The following PROS1 variants were observed in gnomAD, a reference collection of about 807,000 sequenced individuals.
PROS1 encodes protein S, also known as vitamin K-dependent protein S.
Under a neutral mutation model 75.9 loss-of-function variants are expected in PROS1, and 29 were observed. That is an observed-to-expected ratio of 0.38 (90% CI 0.28 to 0.52). The LOEUF (loss-of-function observed/expected upper bound fraction) is 0.52, where lower values mean the gene tolerates loss of function less well. Ranked by LOEUF, PROS1 falls within the 20% of genes least tolerant of loss-of-function variation. PROS1 has a pLI of 0.83. For synonymous variants in PROS1, 245 were observed against 280.6 expected (o/e 0.87, Z 1.27); for missense variants, 680 against 810.3 (o/e 0.84, Z 1.95).
intron 3 of PROS1, among the ~76,000 whole-genome samples, chr3:93,912,007 G>A (rs1199731289): frequency 4.6e-5 from 7 of 152,214 alleles, no homozygotes; most frequent in Admixed American, 1.3e-4. Flanking sequence ...TTTGAAGTCA[G>A]TATGTGTTTA....
At chr3:93,878,060 T>C (rs746713609) in intron 13 of PROS1, among the ~76,000 whole-genome samples, 3 of 152,182 alleles carry the variant, frequency 2.0e-5, no homozygotes, top group Non-Finnish European at 4.4e-5. Flanking sequence ...AAATATTGCA[T>C]AGACCTTGAG....
intron 4 of PROS1, 22 bp downstream of exon 4, chr3:93,910,597 A>C (rs758608669): frequency 6.3e-7 from 1 of 1,588,952 alleles, no homozygotes; most frequent in East Asian, 2.2e-5. Context: ...TTGTTTTTTC[A>C]ATTGATGGTA....
intron 1 of PROS1, among the ~76,000 whole-genome samples, chr3:93,935,455 A>G (rs1709168378): frequency 6.6e-6 from 1 of 152,198 alleles, no homozygotes; most frequent in Admixed American, 6.5e-5. Context: ...TTACATCAAT[A>G]TATTAGTTCT....
intron 1 of PROS1, among the ~76,000 whole-genome samples, chr3:93,956,529 T>TA (rs1429914308): frequency 3.1e-5 from 4 of 129,586 alleles, no homozygotes; most frequent in African/African-American, 1.2e-4. Context: ...TCTCTCTCTC[T>TA]CTCTACACAC....
intron 1 of PROS1, among the ~76,000 whole-genome samples, chr3:93,938,266 C>A (rs1353963675): frequency 2.0e-5 from 3 of 152,158 alleles, no homozygotes; most frequent in Non-Finnish European, 4.4e-5. Flanking sequence ...CACCAGAGAA[C>A]AACCCCTTTG....
chr3:93,962,239 C>G (rs1460897594), intron 1 of PROS1, among the ~76,000 whole-genome samples: 1 of 151,966 alleles, frequency 6.6e-6, no homozygotes, highest in Non-Finnish European at 1.5e-5. Context: ...AAAGGATTAA[C>G]AAGCAGAGAT....
chr3:93,952,086 T>C (rs1709508360), intron 1 of PROS1, among the ~76,000 whole-genome samples: 3 of 152,094 alleles, frequency 2.0e-5, no homozygotes, highest in Admixed American at 6.6e-5. Context: ...ACAAAGCAAG[T>C]CCTTAGAGAC....
chr3:93,910,190 G>A (rs1311988403), intron 4 of PROS1, among the ~76,000 whole-genome samples: 1 of 152,162 alleles, frequency 6.6e-6, no homozygotes, highest in African/African-American at 2.4e-5. Flanking sequence ...GAACTTCAGA[G>A]CAAGAAAGCT....
At chr3:93,966,882 G>A (rs1330206544) in intron 1 of PROS1, among the ~76,000 whole-genome samples, 6 of 151,736 alleles carry the variant, frequency 4.0e-5, no homozygotes, top group African/African-American at 1.2e-4. Flanking sequence ...TGGGATGTGC[G>A]CCAGTGTTGT....
chr3:93,888,017 A>G (rs1708375645), intron 10 of PROS1, among the ~76,000 whole-genome samples: 1 of 152,248 alleles, frequency 6.6e-6, no homozygotes, highest in Admixed American at 6.5e-5. Context: ...GTATTCTTAA[A>G]ATCTTTTGAA....
intron 1 of PROS1, among the ~76,000 whole-genome samples, chr3:93,934,839 G>T (rs1291153222): frequency 6.6e-6 from 1 of 151,900 alleles, no homozygotes; most frequent in Non-Finnish European, 1.5e-5. Flanking sequence ...ATGAGTACAG[G>T]AGCAATGCCT....
At chr3:93,944,568 C>T (rs1412676862) in intron 1 of PROS1, among the ~76,000 whole-genome samples, 3 of 152,002 alleles carry the variant, frequency 2.0e-5, no homozygotes, top group Admixed American at 6.6e-5. Flanking sequence ...GGGTACATAA[C>T]GAAATGAAGG....
At chr3:93,955,121 G>A (rs184217130) in intron 1 of PROS1, among the ~76,000 whole-genome samples, 48 of 152,340 alleles carry the variant, frequency 3.2e-4, no homozygotes, top group Middle Eastern at 3.4e-3. Flanking sequence ...CTTTTACACC[G>A]TTGGTGGGAC....
In PROS1 at chr3:93,924,249, T is replaced by C. The variant is rs1187533518; in HGVS notation, c.250A>G (p.Lys84Glu). Reference sequence around the variant, plus strand: ...GATGTTTTGAACTTACCTAAGTATTTTGGATAAAAATAATCCTAGAAAGAA... The same window carrying C: ...GATGTTTTGAACTTACCTAAGTATTCTGGATAAAAATAATCCTAGAAAGAA... ...NDPETDYFYP[K>E]YLVCLRSFQT... The change falls in exon 3 of 15, where the codon AAA (lysine) becomes GAA (glutamate). Residue 84 changes from lysine (K) to glutamate (E), a missense_variant. Coordinates refer to ENST00000394236, the MANE Select transcript of PROS1 (RefSeq NM_000313.4). The C allele has an allele frequency of 1.5e-6, 2 of 1,298,404 alleles. No individual in the cohort carries two copies. The highest frequency in any genetic ancestry group is 4.6e-5 in the Admixed American group (2 of 43,884). 80.4% of individuals were successfully genotyped at this position (1,298,404 alleles called of 1,614,324 possible).
At chr3:93,956,533 TACACACAC>T (rs758070649) in intron 1 of PROS1, among the ~76,000 whole-genome samples, 2 of 113,338 alleles carry the variant, frequency 1.8e-5, no homozygotes, top group African/African-American at 3.4e-5. Context: ...TCTCTCTCTC[TACACACAC>T]ACACACACAC....
At chr3:93,897,357 C>T (rs199796557) in intron 8 of PROS1, among the ~76,000 whole-genome samples, 3 of 128,038 alleles carry the variant, frequency 2.3e-5, no homozygotes, top group Middle Eastern at 3.8e-3. Context: ...AATTATTGAA[C>T]ACATATGAGG....
intron 1 of PROS1, among the ~76,000 whole-genome samples, chr3:93,945,860 A>G (rs918264216): frequency 6.6e-6 from 1 of 152,196 alleles, no homozygotes; most frequent in Non-Finnish European, 1.5e-5. Context: ...GAAAAGAGGA[A>G]GTCAAATTGT....
chr3:93,942,021 ACTGTATCTCT>A (rs1465103386), intron 1 of PROS1, among the ~76,000 whole-genome samples: 1 of 151,970 alleles, frequency 6.6e-6, no homozygotes, highest in African/African-American at 2.4e-5. Flanking sequence ...GACCCCCATG[ACTGTATCTCT>A]CTGATCCACT....
At chr3:93,879,736 A>AC (rs1336091384) in intron 12 of PROS1, among the ~76,000 whole-genome samples, 1 of 152,196 alleles carries the variant, frequency 6.6e-6, no homozygotes, top group Non-Finnish European at 1.5e-5. Context: ...CATCACTCCA[A>AC]AGGATAAATA....
Sources: gnomAD v4.1 joint callset for allele counts (sites outside exome capture counted in the v4.1 genomes callset) on GRCh38, gnomAD v4.1.1 for gene constraint, MANE v1.5 for transcripts, NCBI Gene and HGNC (gene_info 2026-07-23, HGNC 2026-07-21) for gene names.